The following RNF13 variants were observed in gnomAD, a reference collection of about 807,000 sequenced individuals.
RNF13 encodes E3 ubiquitin-protein ligase RNF13.
RNF13 carries 19 observed loss-of-function variants against 37.7 expected under a neutral mutation model. The ratio of observed to expected loss-of-function variants is 0.50; its 90% confidence interval spans 0.35 to 0.74. The LOEUF (loss-of-function observed/expected upper bound fraction) is 0.74. Ranked by LOEUF, RNF13 falls within the 30% of genes least tolerant of loss-of-function variation. The pLI is 0.01. For missense variants in RNF13, 375 were observed against 453.0 expected (o/e 0.83, Z 1.56); for synonymous variants, 144 against 157.8 (o/e 0.91, Z 0.65).
intron 1 of RNF13, among the ~76,000 whole-genome samples, chr3:149,815,107 G>A (rs1005416450): frequency 1.3e-5 from 2 of 151,998 alleles, no homozygotes; most frequent in Non-Finnish European, 2.9e-5. Context: ...AATTTTGGAG[G>A]GGCATAAATT....
At chr3:149,818,341 A>G (rs2108307568) in intron 1 of RNF13, among the ~76,000 whole-genome samples, 1 of 152,318 alleles carries the variant, frequency 6.6e-6, no homozygotes. Flanking sequence ...CTATTTAAGC[A>G]GATGGTAATA....
intron 1 of RNF13, chr3:149,817,449 C>A (rs1287588797): frequency 6.6e-6 from 1 of 152,140 alleles, no homozygotes; most frequent in Non-Finnish European, 1.5e-5. Flanking sequence ...TGTGTGGTAC[C>A]AGGCATTTAT....
chr3:149,960,749 G>T lies in RNF13; in HGVS notation c.791G>T (p.Cys264Phe), dbSNP rs766685148. 2.5e-6 allele frequency: 4 copies of T among 1,607,092 alleles called. No homozygotes were observed. The highest frequency in any genetic ancestry group is 1.7e-5 in the Admixed American group (1 of 58,320). The change falls in exon 10 of 10, where the codon TGC becomes TTC. Residue 264 changes from cysteine to phenylalanine, a missense_variant. By Grantham distance (205) the Cys-to-Phe change is radical. Coordinates refer to ENST00000392894, the MANE Select transcript of RNF13 (RefSeq NM_183381.3). Reference protein sequence around the residue: ...RILPCSHAYHCKCVDPWLTKT... With the variant: ...RILPCSHAYHFKCVDPWLTKT... ...TATTTTGCTTCAACAGCTTATCACT[G>T]CAAGTGTGTAGACCCTTGGCTAACT... is the stretch of plus-strand genomic sequence containing the variant.
chr3:149,914,941 A>G (rs900063010), intron 7 of RNF13, among the ~76,000 whole-genome samples: 2 of 151,894 alleles, frequency 1.3e-5, no homozygotes, highest in Non-Finnish European at 2.9e-5. Flanking sequence ...TCCATCTCAA[A>G]AAAAAAAAAA....
At chr3:149,906,439 T>A (rs6780843) in intron 6 of RNF13, among the ~76,000 whole-genome samples, 1 of 151,958 alleles carries the variant, frequency 6.6e-6, no homozygotes, top group East Asian at 1.9e-4. Flanking sequence ...CCTTCACCAA[T>A]TTATATTCAC....
At position 149,961,088 on chromosome 3, in the gene RNF13, T is replaced by C; in HGVS notation, c.1130T>C (p.Ile377Thr). The C allele has an allele frequency of 1.2e-6, 2 of 1,604,008 alleles. No homozygotes were observed. The highest frequency in any genetic ancestry group is 1.7e-6 in the Non-Finnish European group (2 of 1,174,054). The change falls in exon 10 of 10, where the codon ATA becomes ACA. Residue 377 changes from isoleucine (I) to threonine (T), a missense_variant. Coordinates refer to ENST00000392894, the MANE Select transcript of RNF13 (RefSeq NM_183381.3). ...LQPNGERDYN[I>T]ANTV is the part of the protein sequence containing the mutation. Reference sequence around the variant, plus strand: ...CCTAATGGTGAACGGGATTACAACATAGCAAATACTGTTTGACTTTCAGAA... The same window carrying C: ...CCTAATGGTGAACGGGATTACAACACAGCAAATACTGTTTGACTTTCAGAA...
chr3:149,880,096 A>C (rs563385940), intron 4 of RNF13, among the ~76,000 whole-genome samples: 73 of 152,362 alleles, frequency 4.8e-4, no homozygotes, highest in African/African-American at 1.8e-3. Flanking sequence ...TGAACATCAA[A>C]ATTCTTACTG....
At chr3:149,883,976 T>A (rs1713722197) in intron 4 of RNF13, among the ~76,000 whole-genome samples, 1 of 152,212 alleles carries the variant, frequency 6.6e-6, no homozygotes. Context: ...TCTGCGTTAG[T>A]TTGCCAAGGA....
rs1342414581 is a variant in RNF13, at chr3:149,907,746, C to T, written c.501-4232C>T. Among the ~76,000 whole-genome samples, 3 of 152,334 alleles carry T rather than the reference C, an allele frequency of 2.0e-5. No individual in the cohort carries two copies. In the East Asian group the frequency reaches 5.8e-4, roughly 29 times the overall value. ...AAAATTCTTAGAAGAATACCTGGGA[C>T]ATAGTAAATGCTTCATAAATGTTAA... On this transcript the variant is annotated intron_variant, in intron 6 of 9. Coordinates refer to ENST00000392894, the MANE Select transcript of RNF13 (RefSeq NM_183381.3).
chr3:149,813,862 C>T (rs1369660025), intron 1 of RNF13: 1 of 152,204 alleles, frequency 6.6e-6, no homozygotes, highest in Non-Finnish European at 1.5e-5. Flanking sequence ...TACGGTCAGT[C>T]AGCAGCTCTG....
At chr3:149,936,281 A>T (rs1236936257) in intron 8 of RNF13, among the ~76,000 whole-genome samples, 1 of 151,950 alleles carries the variant, frequency 6.6e-6, no homozygotes, top group Non-Finnish European at 1.5e-5. Flanking sequence ...CTTTCTATAG[A>T]TCTGGAAAGT....
intron 8 of RNF13, among the ~76,000 whole-genome samples, chr3:149,959,283 G>T (rs1722155841): frequency 6.6e-6 from 1 of 152,070 alleles, no homozygotes; most frequent in African/African-American, 2.4e-5. Context: ...ACTCCAGCCT[G>T]GGCCAAAAGT....
intron 8 of RNF13, among the ~76,000 whole-genome samples, chr3:149,959,602 G>C (rs1319804009): frequency 6.6e-6 from 1 of 152,168 alleles, no homozygotes; most frequent in Non-Finnish European, 1.5e-5. Context: ...CACAGAATTT[G>C]GTAAATGCTA....
chr3:149,900,631 T>A (rs1377489639), intron 5 of RNF13, among the ~76,000 whole-genome samples: 2 of 152,122 alleles, frequency 1.3e-5, no homozygotes, highest in Non-Finnish European at 2.9e-5. Context: ...TCTGTATTTA[T>A]TGACATAACA....
chr3:149,957,205 C>T (rs1441587935), intron 8 of RNF13, among the ~76,000 whole-genome samples: 2 of 152,146 alleles, frequency 1.3e-5, no homozygotes, highest in Non-Finnish European at 2.9e-5. Context: ...AGTATGAATC[C>T]ACTGGCTGGA....
At chr3:149,861,545 T>G (rs988179521) in intron 3 of RNF13, among the ~76,000 whole-genome samples, 1 of 152,160 alleles carries the variant, frequency 6.6e-6, no homozygotes, top group South Asian at 2.1e-4. Flanking sequence ...AAATATCCCA[T>G]GTTCTCACTC....
intron 4 of RNF13, among the ~76,000 whole-genome samples, chr3:149,891,655 A>G (rs989513657): frequency 1.3e-5 from 2 of 152,248 alleles, no homozygotes; most frequent in Non-Finnish European, 2.9e-5. Context: ...GTCTCCTTAA[A>G]AAGGCAGATT....
At chr3:149,868,674 C>T (rs964353355) in intron 3 of RNF13, among the ~76,000 whole-genome samples, 1 of 151,076 alleles carries the variant, frequency 6.6e-6, no homozygotes, top group Admixed American at 6.6e-5. Context: ...TATTCCACTC[C>T]CTCCTGGCTT....
chr3:149,958,949 G>T (rs1722122231), intron 8 of RNF13, among the ~76,000 whole-genome samples: 1 of 152,134 alleles, frequency 6.6e-6, no homozygotes, highest in Non-Finnish European at 1.5e-5. Context: ...TGTTTTAAAT[G>T]ACTAGGACAT....
Sources: gnomAD v4.1 joint callset for allele counts (sites outside exome capture counted in the v4.1 genomes callset) on GRCh38, gnomAD v4.1.1 for gene constraint, MANE v1.5 for transcripts, NCBI Gene and HGNC (gene_info 2026-07-23, HGNC 2026-07-21) for gene names.